Variants in BCL2L14 observed in about 807,000 individuals in gnomAD.
BCL2L14 encodes apoptosis facilitator Bcl-2-like protein 14.
BCL2L14 carries 27 observed loss-of-function variants against 35.3 expected under a neutral mutation model. The ratio of observed to expected loss-of-function variants is 0.76; its 90% confidence interval spans 0.56 to 1.05. The LOEUF is 1.05. Ranked by LOEUF, BCL2L14 falls within the 50% of genes least tolerant of loss-of-function variation. BCL2L14 has a pLI of 0.00. For synonymous variants in BCL2L14, 139 were observed against 145.9 expected, an observed-to-expected ratio of 0.95 and a Z score of 0.34; for missense variants, 377 against 382.6, an observed-to-expected ratio of 0.99 and a Z score of 0.12.
intron 1 of BCL2L14, among the ~76,000 whole-genome samples, chr12:12,050,362 G>A (rs2136701996): frequency 6.6e-6 from 1 of 151,324 alleles, no homozygotes; most frequent in Admixed American, 6.6e-5. Flanking sequence ...GAACCCGAGA[G>A]GCGGAGCTTG....
chr12:12,063,491 C>T (rs1206575169), intron 2 of BCL2L14, among the ~76,000 whole-genome samples: 1 of 150,766 alleles, frequency 6.6e-6, no homozygotes, highest in African/African-American at 2.4e-5. Context: ...CACAATATCA[C>T]CCCTTACCAC....
At chr12:12,061,262 T>TC (rs948809724) in intron 2 of BCL2L14, among the ~76,000 whole-genome samples, 3 of 151,418 alleles carry the variant, frequency 2.0e-5, no homozygotes, top group Admixed American at 1.3e-4. Context: ...CCCTTGTATC[T>TC]CCCCACCTTA....
intron 2 of BCL2L14, among the ~76,000 whole-genome samples, chr12:12,064,998 G>A (rs1282943695): frequency 6.6e-6 from 1 of 152,192 alleles, no homozygotes; most frequent in East Asian, 1.9e-4. Flanking sequence ...CCACAGATAA[G>A]AGGATCTTCC....
At position 12,079,734 on chromosome 12, in the gene BCL2L14, T is replaced by G; in HGVS notation, c.429T>G (p.His143Gln). Residue 143 changes from histidine (H) to glutamine (Q), a missense_variant, in exon 2 of 6, where the codon CAT becomes CAG. Transcript: ENST00000308721. ...CTAACGTGGAGCAGTGCTTGGAGCATGAAGGTAGGCATCTGGGATTTCTTT... is the reference window on the plus strand; with the variant it reads ...CTAACGTGGAGCAGTGCTTGGAGCAGGAAGGTAGGCATCTGGGATTTCTTT... ...CLSNVEQCLE[H>Q]EAVDPKVISI... The G allele has an allele frequency of 6.2e-7, 1 of 1,610,954 alleles. No homozygotes were observed. The highest frequency in any genetic ancestry group is 1.1e-5 in the South Asian group (1 of 90,788).
chr12:12,079,835 G>A, intron 2 of BCL2L14, 97 bp downstream of exon 2: 1 of 1,236,894 alleles, frequency 8.1e-7, no homozygotes, highest in South Asian at 1.4e-5. Context: ...AGTGGCTTTA[G>A]AGAAGGCATG....
chr12:12,064,302 GA>G (rs1324063460), intron 2 of BCL2L14, among the ~76,000 whole-genome samples: 1 of 99,674 alleles, frequency 1.0e-5, no homozygotes, highest in African/African-American at 3.4e-5. Context: ...TAATTTTTTT[GA>G]TTTTTTTTTT....
intron 2 of BCL2L14, chr12:12,055,496 GA>G (rs1948417827): frequency 1.3e-5 from 2 of 152,136 alleles, no homozygotes; most frequent in Non-Finnish European, 2.9e-5. Flanking sequence ...CACGGTTTTT[GA>G]GACCCGCCAA....
upstream of BCL2L14, among the ~76,000 whole-genome samples, chr12:12,070,503 CCT>C (rs1376157424): frequency 2.0e-5 from 3 of 152,066 alleles, no homozygotes; most frequent in South Asian, 2.1e-4. Flanking sequence ...TGGTGAAACC[CCT>C]GTCTCTACTA....
intron 4 of BCL2L14, chr12:12,094,384 C>T: frequency 1.2e-6 from 1 of 831,480 alleles, no homozygotes; most frequent in Non-Finnish European, 2.0e-6. Context: ...TCCATACTAC[C>T]TGCCCATTAT....
intron 2 of BCL2L14, among the ~76,000 whole-genome samples, chr12:12,081,177 A>G (rs1360385783): frequency 6.6e-6 from 1 of 152,030 alleles, no homozygotes; most frequent in Admixed American, 6.6e-5. Context: ...ACAGAGTGAG[A>G]GCCCATCACG....
intron 2 of BCL2L14, among the ~76,000 whole-genome samples, chr12:12,081,644 C>T (rs1948927651): frequency 1.3e-5 from 2 of 151,400 alleles, no homozygotes; most frequent in Non-Finnish European, 2.9e-5. Context: ...CTGCAAGCTC[C>T]GCCTCCCAGG....
intron 3 of BCL2L14, among the ~76,000 whole-genome samples, chr12:12,090,467 G>C (rs35944418): frequency 0.19 from 28,917 of 151,702 alleles, 2,896 homozygotes; most frequent in Middle Eastern, 0.34. Context: ...TGGGTTTCTA[G>C]TAAAAATACA....
chr12:12,087,927 A>T (rs1254141530), intron 3 of BCL2L14, among the ~76,000 whole-genome samples: 1 of 152,160 alleles, frequency 6.6e-6, no homozygotes, highest in Non-Finnish European at 1.5e-5. Flanking sequence ...GGCTGGTGGT[A>T]ACTCAAGGCA....
chr12:12,050,793 T>TAAAAAAAAAAAAAA (rs3052084), intron 1 of BCL2L14, among the ~76,000 whole-genome samples: 17 of 88,282 alleles, frequency 1.9e-4, no homozygotes, highest in African/African-American at 7.2e-4. Context: ...GCTGATGAGC[T>TAAAAAAAAAAAAAA]AAAAAAAAAA....
In BCL2L14 at chr12:12,078,017, T is replaced by TTATC. The variant is rs534426187; in HGVS notation, c.-7-1277_-7-1274dup. 9.4e-4 allele frequency: 413 copies of TTATC among 438,172 alleles called. 1 individual carries two copies. Among genetic ancestry groups the TTATC allele is most frequent in the African/African-American group, 8.0e-3 (393 of 49,290 alleles). 27.1% of individuals were successfully genotyped at this position (438,172 alleles called of 1,614,324 possible). On this transcript the variant is annotated intron_variant, in intron 1 of 5. Transcript: ENST00000308721. ...AAGGAAATTGAACAAAATCAGTTCT[T>TTATC]TATCTATCCTGTTATTCGTATGGAA...
chr12:12,063,925 T>C (rs1948563619), intron 2 of BCL2L14, among the ~76,000 whole-genome samples: 1 of 151,804 alleles, frequency 6.6e-6, no homozygotes, highest in African/African-American at 2.4e-5. Context: ...CAACCCCCCT[T>C]CTTCCTTTAC....
intron 1 of BCL2L14, among the ~76,000 whole-genome samples, chr12:12,051,004 T>C (rs760811643): frequency 1.2e-4 from 18 of 151,938 alleles, no homozygotes; most frequent in Middle Eastern, 3.2e-3. Flanking sequence ...CACCATAAAC[T>C]GAAGCTAAAC....
At chr12:12,084,731 T>A (rs1020241880) in intron 2 of BCL2L14, among the ~76,000 whole-genome samples, 1 of 152,160 alleles carries the variant, frequency 6.6e-6, no homozygotes, top group African/African-American at 2.4e-5. Context: ...AGCTAGTGCA[T>A]CTGTGGGAAC....
At chr12:12,053,342 CA>C (rs1221351373) in intron 2 of BCL2L14, among the ~76,000 whole-genome samples, 2 of 152,100 alleles carry the variant, frequency 1.3e-5, no homozygotes, top group Admixed American at 6.5e-5. Flanking sequence ...TCGAAAAACA[CA>C]AGGGCAGGGC....
Sources: gnomAD v4.1 joint callset for allele counts (sites outside exome capture counted in the v4.1 genomes callset) on GRCh38, gnomAD v4.1.1 for gene constraint, MANE v1.5 for transcripts, NCBI Gene and HGNC (gene_info 2026-07-23, HGNC 2026-07-21) for gene names.